Variants in WLS observed in about 807,000 individuals in gnomAD.
WLS encodes the protein Wnt ligand secretion mediator.
A neutral mutation model predicts 62.8 loss-of-function variants in WLS; 23 were observed. That is an observed-to-expected ratio of 0.37 (90% CI 0.26 to 0.52). WLS has a LOEUF of 0.52. Among genes scored for constraint, WLS ranks in the 20% least tolerant of loss-of-function variants. WLS has a pLI of 0.92. For missense variants in WLS, 615 were observed against 697.3 expected, an observed-to-expected ratio of 0.88 and a Z score of 1.33; for synonymous variants, 246 against 244.1, an observed-to-expected ratio of 1.01 and a Z score of -0.07.
chr1:68,143,379 T>C (rs564029749), intron 10 of WLS, among the ~76,000 whole-genome samples: 1 of 152,312 alleles, frequency 6.6e-6, no homozygotes, highest in Non-Finnish European at 1.5e-5. Flanking sequence ...TCAAGCTTCT[T>C]GCTATTCATA....
At chr1:68,186,949 C>T (rs151094293) in intron 2 of WLS, among the ~76,000 whole-genome samples, 6,791 of 151,978 alleles carry the variant, frequency 0.045, 193 homozygotes, top group Middle Eastern at 0.11. Flanking sequence ...TGGTAGCTCA[C>T]GCCTGTAATC....
chr1:68,104,293 A>G, intron 11 of WLS, among the ~76,000 whole-genome samples: 1 of 152,142 alleles, frequency 6.6e-6, no homozygotes, highest in African/African-American at 2.4e-5. Context: ...CATCACTACC[A>G]TTATCGGTGG....
intron 11 of WLS, among the ~76,000 whole-genome samples, chr1:68,126,796 AG>A (rs1646437598): frequency 6.6e-6 from 1 of 152,160 alleles, no homozygotes; most frequent in Non-Finnish European, 1.5e-5. Flanking sequence ...GAGCTGGCAA[AG>A]GAACATCTGA....
intron 11 of WLS, among the ~76,000 whole-genome samples, chr1:68,133,085 G>A (rs891753419): frequency 1.6e-4 from 25 of 151,798 alleles, no homozygotes; most frequent in African/African-American, 5.6e-4. Context: ...GCAGCAGCAG[G>A]GCAGAAAATA....
At chr1:68,225,844 A>G (rs773019869) in intron 1 of WLS, among the ~76,000 whole-genome samples, 3 of 152,212 alleles carry the variant, frequency 2.0e-5, no homozygotes, top group Non-Finnish European at 4.4e-5. Flanking sequence ...GACTTACTGT[A>G]TAACTACATA....
chr1:68,126,210 C>T lies in WLS; in HGVS notation c.*16G>A, dbSNP rs780925929. On this transcript the variant is annotated 3_prime_UTR_variant, in exon 12 of 12. Transcript: ENST00000262348. ...TGGGGTATGGAGAGACCGTCCCAGC[C>T]GGGCGCTGCAGCCTCCTACTCCTGG... The T allele has an allele frequency of 9.9e-6, 16 of 1,613,806 alleles. No individual in the cohort carries two copies. Among genetic ancestry groups the T allele is most frequent in the East Asian group, 6.7e-5 (3 of 44,826 alleles).
chr1:68,110,007 T>TTAAAAAAAAAAAAAAAAAAAAAAAAA (rs1253049692), intron 11 of WLS, among the ~76,000 whole-genome samples: 1 of 28,456 alleles, frequency 3.5e-5, no homozygotes, highest in Non-Finnish European at 6.3e-5. Context: ...ACACAAAAAG[T>TTAAAAAAAAAAAAAAAAAAAAAAAAA]AAAAAAAAAA....
At chr1:68,156,411 A>G (rs2566791) in intron 3 of WLS, among the ~76,000 whole-genome samples, 151,585 of 152,316 alleles carry the variant, frequency 1, 75,433 homozygotes, top group Middle Eastern at 1. Context: ...GTCTAAGAGT[A>G]TGTAGGAAGG....
intron 11 of WLS, among the ~76,000 whole-genome samples, chr1:68,136,319 C>T (rs1034755466): frequency 6.6e-6 from 1 of 152,202 alleles, no homozygotes; most frequent in Non-Finnish European, 1.5e-5. Flanking sequence ...GGTCCTTGCC[C>T]TGAAGGAGTC....
rs530460890 is a variant in WLS, at chr1:68,177,237, G to A, written c.379+16718C>T. On this transcript the variant is annotated intron_variant, in intron 2 of 11. Transcript: ENST00000262348. ...GGTACTCATGGGGCATACCCTCATC[G>A]GGATTCATAAACCTCTGAATTCCAT... Among the ~76,000 whole-genome samples the A allele has an allele frequency of 9.4e-4, 143 of 152,230 alleles. 1 individual carries two copies. The Middle Eastern group carries it at 0.02, about 22-fold the overall frequency.
intron 1 of WLS, among the ~76,000 whole-genome samples, chr1:68,219,705 A>T (rs1212370406): frequency 1.3e-5 from 2 of 152,186 alleles, no homozygotes; most frequent in Non-Finnish European, 2.9e-5. Flanking sequence ...CATTATTCTC[A>T]TACAGCTTAC....
chr1:68,176,483 C>A (rs1047750337), intron 2 of WLS: 1 of 152,198 alleles, frequency 6.6e-6, no homozygotes, highest in Non-Finnish European at 1.5e-5. Flanking sequence ...AAAGGACAAG[C>A]TACGAGTCTC....
chr1:68,155,123 C>T lies in WLS; in HGVS notation c.642G>A (p.Gly214=), dbSNP rs747806734. Residue 214 remains glycine, a synonymous_variant, in exon 4 of 12, where the codon GGG becomes GGA. Coordinates refer to ENST00000262348, the MANE Select transcript of WLS (RefSeq NM_024911.7). ...CCACCAACCGGATATCCTTTATCTC[C>T]CCAATTCCCACATTGATTTTCTTCT... is the stretch of plus-strand genomic sequence containing the variant. ...NEKKKINVGI[G]EIKDIRLVGI... 6 of 1,613,802 alleles carry T rather than the reference C, an allele frequency of 3.7e-6. No individual in the cohort carries two copies. Among genetic ancestry groups the T allele is most frequent in the Middle Eastern group, 1.6e-4 (1 of 6,084 alleles).
At chr1:68,231,645 G>A in intron 1 of WLS, 1 of 433,904 alleles carries the variant, frequency 2.3e-6, no homozygotes, top group South Asian at 1.6e-5. Context: ...CGCGAAGGTC[G>A]GGACCCCAAA....
chr1:68,214,379 T>TG (rs2100651315), intron 1 of WLS, among the ~76,000 whole-genome samples: 1 of 152,262 alleles, frequency 6.6e-6, no homozygotes, highest in African/African-American at 2.4e-5. Context: ...CCTTTTTTTT[T>TG]TTTGAGATGG....
In WLS at chr1:68,219,966, G is replaced by A. The variant is rs150014426; in HGVS notation, c.106+12228C>T. On this transcript the variant is annotated intron_variant, in intron 1 of 11. Transcript: ENST00000262348. ...TGGGATTCACTTCGCAGCAAGCAAA[G>A]AGGGAATAAATCTCTTCCACATAAT... Among the ~76,000 whole-genome samples the A allele has an allele frequency of 7.2e-3, 1,100 of 152,212 alleles. 3 individuals are homozygous for A. Among genetic ancestry groups the A allele is most frequent in the South Asian group, 0.018 (85 of 4,826 alleles).
chr1:68,138,167 AT>A, intron 10 of WLS: 1 of 533,214 alleles, frequency 1.9e-6, no homozygotes, highest in African/African-American at 1.9e-5. Context: ...TTGCCCACAG[AT>A]TAGTATCACC....
intron 2 of WLS, among the ~76,000 whole-genome samples, chr1:68,170,868 T>C (rs1245135438): frequency 2.6e-5 from 4 of 152,216 alleles, no homozygotes; most frequent in Admixed American, 6.5e-5. Flanking sequence ...GACTCAGTCT[T>C]GTTCACAGTT....
At chr1:68,231,851 A>G in intron 1 of WLS, 1 of 212,178 alleles carries the variant, frequency 4.7e-6, no homozygotes. Flanking sequence ...GGAACGCGGG[A>G]AAAAGCGGGG....
Sources: gnomAD v4.1 joint callset for allele counts (sites outside exome capture counted in the v4.1 genomes callset) on GRCh38, gnomAD v4.1.1 for gene constraint, MANE v1.5 for transcripts, NCBI Gene and HGNC (gene_info 2026-07-23, HGNC 2026-07-21) for gene names.